NOX4: variants seen among roughly 807,000 people sequenced by gnomAD.
NOX4 encodes the protein NADPH oxidase 4.
A neutral mutation model predicts 87.6 loss-of-function variants in NOX4; 69 were observed. That is an observed-to-expected ratio of 0.79 (90% CI 0.65 to 0.96). NOX4 has a LOEUF of 0.96. NOX4 is among the 40% of genes least tolerant of loss of function. NOX4 has a pLI of 0.00. For synonymous variants in NOX4, 275 were observed against 238.2 expected (o/e 1.15, Z -1.42); for missense variants, 680 against 681.5 (o/e 1.00, Z 0.02).
chr11:89,566,831 AG>A, the NOX4 span, among the ~76,000 whole-genome samples: 1 of 152,164 alleles, frequency 6.6e-6, no homozygotes, highest in African/African-American at 2.4e-5. Flanking sequence ...ACTCCTTGGA[AG>A]GAGTGAGTTA....
At chr11:89,356,377 T>C (rs1938052920) in intron 12 of NOX4, among the ~76,000 whole-genome samples, 1 of 147,576 alleles carries the variant, frequency 6.8e-6, no homozygotes, top group East Asian at 2.0e-4. Flanking sequence ...TGCATATGAA[T>C]TCATAATGAA....
Position 89,342,165 on chromosome 11 carries a change from G to T in NOX4, c.1246C>A (p.Pro416Thr), listed in dbSNP as rs774296713. 6.2e-7 allele frequency: 1 copy of T among 1,612,694 alleles called. No homozygotes were observed. The highest frequency in any genetic ancestry group is 1.1e-5 in the South Asian group (1 of 91,014). Residue 416 changes from proline to threonine, a missense_variant, in exon 14 of 18, where the codon CCA (proline) becomes ACA (threonine). By Grantham distance (38) the Pro-to-Thr change is conservative (BLOSUM62 -1). Coordinates refer to ENST00000263317, the MANE Select transcript of NOX4 (RefSeq NM_016931.5). ...TCATAGTTCAGTGATTCCTCAAATG[G>T]ACTTCCAAAAGGACCATCAATATAC... ...KLYIDGPFGS[P>T]FEESLNYEVS...
chr11:89,396,088 C>T (rs1216233873), intron 11 of NOX4, among the ~76,000 whole-genome samples: 1 of 152,018 alleles, frequency 6.6e-6, no homozygotes. Context: ...TATAAATTAC[C>T]ATGGGAAGTG....
chr11:89,326,963 G>T, intron 17 of NOX4, 87 bp from the exon 18 acceptor site: 2 of 1,244,666 alleles, frequency 1.6e-6, no homozygotes, highest in Admixed American at 2.4e-5. Flanking sequence ...ATGGTTTAAA[G>T]TATTAACAAA....
At chr11:89,377,601 A>G (rs1939951182) in intron 11 of NOX4, among the ~76,000 whole-genome samples, 1 of 152,192 alleles carries the variant, frequency 6.6e-6, no homozygotes, top group Non-Finnish European at 1.5e-5. Context: ...TATGTTTGGG[A>G]ATTAAATGTA....
chr11:89,373,367 A>T, intron 12 of NOX4, 65 bp downstream of exon 12: 1 of 936,114 alleles, frequency 1.1e-6, no homozygotes, highest in Non-Finnish European at 1.7e-6. Context: ...ATATTAAAAC[A>T]CATTCAAATT....
At chr11:89,561,004 A>C in the NOX4 span, among the ~76,000 whole-genome samples, 40 of 91,188 alleles carry the variant, frequency 4.4e-4, 1 homozygote, top group South Asian at 1.4e-3. Flanking sequence ...CTCTATATAT[A>C]TATATATATA....
the NOX4 span, among the ~76,000 whole-genome samples, chr11:89,561,045 TCATACA>T: frequency 2.7e-5 from 1 of 37,534 alleles, no homozygotes; most frequent in Non-Finnish European, 4.5e-5. Context: ...TACACATATA[TCATACA>T]TATATATATA....
chr11:89,352,785 A>G (rs1937659551), intron 13 of NOX4, among the ~76,000 whole-genome samples: 1 of 152,130 alleles, frequency 6.6e-6, no homozygotes, highest in Admixed American at 6.6e-5. Context: ...GAGCAAGTAA[A>G]GTAGTTTTGG....
intron 2 of NOX4, among the ~76,000 whole-genome samples, chr11:89,484,649 T>C (rs1946516650): frequency 6.6e-6 from 1 of 151,858 alleles, no homozygotes; most frequent in Non-Finnish European, 1.5e-5. Context: ...TTTCGGAAAA[T>C]GAAAAGTTAA....
the NOX4 span, among the ~76,000 whole-genome samples, chr11:89,510,179 C>T: frequency 6.6e-6 from 1 of 152,130 alleles, no homozygotes; most frequent in Non-Finnish European, 1.5e-5. Flanking sequence ...CACTTTCAAG[C>T]GTAACCTAGA....
intron 13 of NOX4, among the ~76,000 whole-genome samples, chr11:89,347,736 C>T (rs1946279749): frequency 6.6e-6 from 1 of 152,114 alleles, no homozygotes; most frequent in Non-Finnish European, 1.5e-5. Flanking sequence ...GTTAATTATG[C>T]CTCCGAACAC....
At chr11:89,512,022 G>A in the NOX4 span, among the ~76,000 whole-genome samples, 40 of 152,030 alleles carry the variant, frequency 2.6e-4, no homozygotes, top group African/African-American at 9.7e-4. Flanking sequence ...GAGCTCAATA[G>A]AAAATTTTTA....
Position 89,330,475 on chromosome 11 carries a change from T to C in NOX4, c.1617-3599A>G, listed in dbSNP as rs1343804695. On this transcript the variant is annotated intron_variant, in intron 17 of 17. Transcript: ENST00000263317. ...CATCAGAATCATTTTAGAGACTTCA[T>C]AGAACACAAATAGCTAGGTCTCCCC... Among the ~76,000 whole-genome samples the C allele has an allele frequency of 5.9e-5, 9 of 152,180 alleles. No homozygotes were observed. The South Asian group carries it at 8.3e-4, about 14-fold the overall frequency.
intron 2 of NOX4, among the ~76,000 whole-genome samples, chr11:89,453,652 C>T (rs147004663): frequency 6.6e-6 from 1 of 152,296 alleles, no homozygotes; most frequent in African/African-American, 2.4e-5. Flanking sequence ...ATACATTAAA[C>T]CTCTTTCTGC....
At chr11:89,376,217 A>G (rs1939825904) in intron 11 of NOX4, among the ~76,000 whole-genome samples, 1 of 152,226 alleles carries the variant, frequency 6.6e-6, no homozygotes, top group Non-Finnish European at 1.5e-5. Context: ...ACTTCTCCAA[A>G]CTAAGACAGA....
chr11:89,405,372 A>G (rs1942110842), intron 8 of NOX4, among the ~76,000 whole-genome samples: 1 of 152,006 alleles, frequency 6.6e-6, no homozygotes, highest in Non-Finnish European at 1.5e-5. Flanking sequence ...GTTCAGCTAC[A>G]CTCAAGCTAA....
chr11:89,401,451 G>A (rs532036467), intron 9 of NOX4, among the ~76,000 whole-genome samples: 3 of 152,172 alleles, frequency 2.0e-5, no homozygotes, highest in East Asian at 1.9e-4. Flanking sequence ...TAATAAACAC[G>A]ACTAATACAC....
the NOX4 span, among the ~76,000 whole-genome samples, chr11:89,580,124 G>A: frequency 6.6e-6 from 1 of 152,116 alleles, no homozygotes. Flanking sequence ...CATGTATTAA[G>A]AGTGAGATGA....
Sources: allele counts gnomAD v4.1 joint callset (sites outside exome capture counted in the v4.1 genomes callset), GRCh38; gene constraint gnomAD v4.1.1; transcripts MANE v1.5; gene names NCBI Gene and HGNC (gene_info 2026-07-23, HGNC 2026-07-21).